Variants in NALF1 observed in about 807,000 individuals in gnomAD.
The protein encoded by NALF1 is family with sequence similarity 155 member A.
Under a neutral mutation model 48.4 loss-of-function variants are expected in NALF1, and 3 were observed. The observed-to-expected ratio is 0.06, with a 90% CI of 0.03 to 0.16. The LOEUF (loss-of-function observed/expected upper bound fraction) is 0.16, where lower values mean the gene tolerates loss of function less well. Among genes scored for constraint, NALF1 ranks in the 10% least tolerant of loss-of-function variants. The probability of loss-of-function intolerance (pLI) is 1.00; values close to 1 mark genes in which losing one functional copy is unlikely to be tolerated. For synonymous variants in NALF1, 262 were observed against 245.7 expected (o/e 1.07, Z -0.62); for missense variants, 526 against 571.5 (o/e 0.92, Z 0.81).
At chr13:107,753,187 C>T (rs1203356785) in intron 1 of NALF1, among the ~76,000 whole-genome samples, 2 of 152,332 alleles carry the variant, frequency 1.3e-5, no homozygotes, top group East Asian at 3.9e-4. Context: ...TATCTGTCCA[C>T]TCATCCACAG....
At chr13:107,308,243 C>T (rs190646992) in intron 1 of NALF1, among the ~76,000 whole-genome samples, 1 of 145,074 alleles carries the variant, frequency 6.9e-6, no homozygotes, top group Non-Finnish European at 1.5e-5. Context: ...ACTCTGTCGC[C>T]CAGGCTGGAG....
At chr13:107,554,007 A>T (rs1275631500) in intron 1 of NALF1, among the ~76,000 whole-genome samples, 2 of 152,240 alleles carry the variant, frequency 1.3e-5, no homozygotes, top group East Asian at 3.8e-4. Context: ...CTTCATGGCT[A>T]CATGCCATGG....
At chr13:107,764,004 C>T (rs1877350765) in intron 1 of NALF1, among the ~76,000 whole-genome samples, 1 of 152,116 alleles carries the variant, frequency 6.6e-6, no homozygotes, top group Non-Finnish European at 1.5e-5. Context: ...AGCCTTTCTA[C>T]TAATGGCCGG....
At position 107,232,845 on chromosome 13, in the gene NALF1, T is replaced by C. The variant is rs559582745; in HGVS notation, c.916-22090A>G. Among the ~76,000 whole-genome samples, 6 of 152,188 alleles carry C rather than the reference T, an allele frequency of 3.9e-5. No homozygotes were observed. In the South Asian group the frequency reaches 1.2e-3, roughly 32 times the overall value. On this transcript the variant is annotated intron_variant, in intron 1 of 2. Coordinates refer to ENST00000375915, the MANE Select transcript of NALF1 (RefSeq NM_001080396.3). ...TTCAGTGATTGTTCCAGAAGCTTCA[T>C]ATGTTGTGCTCCTACCACATTCCAG...
chr13:107,251,907 G>A (rs1262291714), intron 1 of NALF1, among the ~76,000 whole-genome samples: 2 of 152,154 alleles, frequency 1.3e-5, no homozygotes, highest in African/African-American at 2.4e-5. Context: ...ATTTAAAGTG[G>A]TAATGTCACA....
chr13:107,774,857 C>T (rs921362111), intron 1 of NALF1, among the ~76,000 whole-genome samples: 6 of 152,142 alleles, frequency 3.9e-5, no homozygotes, highest in African/African-American at 1.4e-4. Flanking sequence ...TCCTTCCTCT[C>T]TTCCGAGTCA....
chr13:107,284,916 T>C (rs78710634), intron 1 of NALF1, among the ~76,000 whole-genome samples: 42,105 of 151,796 alleles, frequency 0.28, 6,336 homozygotes, highest in Non-Finnish European at 0.33. Flanking sequence ...TATTTTTTTT[T>C]TAAATGATAG....
intron 1 of NALF1, among the ~76,000 whole-genome samples, chr13:107,708,302 A>T (rs1292645892): frequency 2.0e-5 from 3 of 152,096 alleles, no homozygotes; most frequent in Non-Finnish European, 4.4e-5. Flanking sequence ...CCATAATTAT[A>T]CTTATGGATG....
intron 1 of NALF1, among the ~76,000 whole-genome samples, chr13:107,691,018 T>C (rs1285291373): frequency 2.0e-5 from 3 of 152,210 alleles, no homozygotes; most frequent in Non-Finnish European, 4.4e-5. Flanking sequence ...TTTAACTTAC[T>C]TCGTAAATTC....
intron 1 of NALF1, among the ~76,000 whole-genome samples, chr13:107,783,928 C>T (rs570715139): frequency 5.3e-4 from 80 of 150,592 alleles, no homozygotes; most frequent in South Asian, 1.9e-3. Context: ...GAGAGATGCA[C>T]TCACTTCTTC....
intron 1 of NALF1, among the ~76,000 whole-genome samples, chr13:107,712,806 G>C (rs1247740286): frequency 2.0e-5 from 3 of 152,212 alleles, no homozygotes; most frequent in African/African-American, 7.2e-5. Context: ...TTTTCAAATT[G>C]TTGCCTCATA....
intron 2 of NALF1, among the ~76,000 whole-genome samples, chr13:107,172,573 G>A (rs1242346720): frequency 1.3e-5 from 2 of 151,676 alleles, no homozygotes; most frequent in Non-Finnish European, 1.5e-5. Flanking sequence ...CTTCACCTTC[G>A]CCTAGGTAGA....
At chr13:107,802,921 G>A (rs546301233) in intron 1 of NALF1, among the ~76,000 whole-genome samples, 1 of 152,282 alleles carries the variant, frequency 6.6e-6, no homozygotes, top group East Asian at 1.9e-4. Context: ...GAAAGTTGGG[G>A]TCACATGAAT....
chr13:107,667,030 GA>G (rs1197612446), intron 1 of NALF1, among the ~76,000 whole-genome samples: 2 of 151,936 alleles, frequency 1.3e-5, no homozygotes, highest in Non-Finnish European at 2.9e-5. Context: ...ACTTTTTGAA[GA>G]CCCCTCATAG....
At chr13:107,509,624 C>T (rs1875813787) in intron 1 of NALF1, among the ~76,000 whole-genome samples, 1 of 152,032 alleles carries the variant, frequency 6.6e-6, no homozygotes, top group Admixed American at 6.6e-5. Flanking sequence ...TATGCAGATT[C>T]AGCTCCTCAC....
intron 1 of NALF1, among the ~76,000 whole-genome samples, chr13:107,660,453 ACACACACACACACACACACACACACAC>A (rs1265591653): frequency 7.8e-5 from 9 of 114,904 alleles, no homozygotes; most frequent in African/African-American, 4.0e-4. Flanking sequence ...ACACACACAC[ACACACACACACACACACACACACACAC>A]ACACAACAAA....
intron 1 of NALF1, among the ~76,000 whole-genome samples, chr13:107,755,030 A>C (rs2138556073): frequency 6.6e-6 from 1 of 152,352 alleles, no homozygotes; most frequent in Middle Eastern, 3.4e-3. Flanking sequence ...TAACTGTGTA[A>C]TAAAATTTCA....
intron 1 of NALF1, among the ~76,000 whole-genome samples, chr13:107,240,404 C>T (rs373367332): frequency 6.6e-6 from 1 of 152,230 alleles, no homozygotes; most frequent in East Asian, 1.9e-4. Context: ...AGCAAGTTCA[C>T]TTCATCTCTA....
chr13:107,344,116 A>G lies in NALF1; in HGVS notation c.916-133361T>C, dbSNP rs1882732464. On this transcript the variant is annotated intron_variant, in intron 1 of 2. Transcript: ENST00000375915. ...AAAATGGATATGTTTCCAGAAATAT[A>G]AAGTCTACCAAGACTGAACTATGAA... Among the ~76,000 whole-genome samples, 3 of 152,158 alleles carry G rather than the reference A, an allele frequency of 2.0e-5. No individual in the cohort carries two copies. The South Asian group carries it at 6.2e-4, about 31-fold the overall frequency.
Sources: allele counts gnomAD v4.1 joint callset (sites outside exome capture counted in the v4.1 genomes callset), GRCh38; gene constraint gnomAD v4.1.1; transcripts MANE v1.5; gene names NCBI Gene and HGNC (gene_info 2026-07-23, HGNC 2026-07-21).